Variants in FGFR4 observed in about 807,000 individuals in gnomAD.
FGFR4 encodes hydroxyaryl-protein kinase.
FGFR4 carries 63 observed loss-of-function variants against 89.9 expected under a neutral mutation model. The observed-to-expected ratio is 0.70, with a 90% confidence interval of 0.57 to 0.86. The LOEUF (loss-of-function observed/expected upper bound fraction) is 0.86, where lower values mean the gene tolerates loss of function less well. Ranked by LOEUF, FGFR4 falls within the 40% of genes least tolerant of loss-of-function variation. FGFR4 has a pLI of 0.00. For missense variants in FGFR4, 928 were observed against 1,106.7 expected (o/e 0.84, Z 2.29); for synonymous variants, 486 against 479.4 (o/e 1.01, Z -0.18).
chr5:177,095,660 C>A lies in FGFR4; in HGVS notation c.1758C>A (p.Phe586Leu). Residue 586 changes from phenylalanine to leucine, a missense_variant, in exon 13 of 18, where the codon TTC (phenylalanine) becomes TTA (leucine). Physicochemically the swap from Phe to Leu is conservative, Grantham distance 22. Transcript: ENST00000292408. This position sits in a 1 kb window ranked among gnomAD's most constrained non-coding sequence, Gnocchi z 5.7. ...GPRSSEGPLS[F>L]PVLVSCAYQV... ...GGAGCAGTGAGGGGCCGCTCTCCTT[C>A]CCAGTCCTGGTCTCCTGCGCCTACC... The A allele has an allele frequency of 6.2e-7, 1 of 1,608,864 alleles. No individual in the cohort carries two copies. Among genetic ancestry groups the A allele is most frequent in the Non-Finnish European group, 8.5e-7 (1 of 1,178,768 alleles).
At position 177,095,148 on chromosome 5, in the gene FGFR4, C is replaced by T. The variant is rs1784504083; in HGVS notation, c.1520-182C>T. ...AGGGTGTGACCCACTGCTCTGTTTC[C>T]CACAAGACGAACCTGAGGTTCAGAG... On this transcript the variant is annotated intron_variant, in intron 11 of 17. Coordinates refer to ENST00000292408, the MANE Select transcript of FGFR4 (RefSeq NM_213647.3). The surrounding 1 kb of genome is among the most constrained non-coding windows in gnomAD (Gnocchi z 5.7). 4.9e-6 allele frequency: 3 copies of T among 611,924 alleles called. No homozygotes were observed. Among genetic ancestry groups the T allele is most frequent in the Non-Finnish European group, 8.9e-6 (3 of 336,210 alleles). 37.9% of individuals were successfully genotyped at this position (611,924 alleles called of 1,614,324 possible).
intron 14 of FGFR4, 45 bp from the exon 15 acceptor site, chr5:177,096,242 C>A: frequency 1.2e-6 from 2 of 1,613,480 alleles, no homozygotes; most frequent in African/African-American, 2.7e-5. Context: ...GTGGCAGGCA[C>A]GAGGACCTGT....
chr5:177,097,493 C>A (rs747459828), intron 17 of FGFR4, 34 bp from the exon 18 acceptor site: 2 of 1,604,264 alleles, frequency 1.2e-6, no homozygotes, highest in Non-Finnish European at 8.5e-7. Flanking sequence ...CCATCCCGGG[C>A]GCTGCAGAGG....
Position 177,090,637 on chromosome 5 carries a change from C to A in FGFR4, c.339C>A (p.Leu113=), listed in dbSNP as rs371080019. 6.6e-7 allele frequency: 1 copy of A among 1,522,504 alleles called. No individual in the cohort carries two copies. The allele number at this position is 1,522,504 out of a possible 1,614,324, so 94.3% of individuals were successfully genotyped here. The change falls in exon 3 of 18, where the codon CTC becomes CTA. Residue 113 remains leucine, a synonymous_variant. Coordinates refer to ENST00000292408, the MANE Select transcript of FGFR4 (RefSeq NM_213647.3). ...GCTCCATGATCGTCCTGCAGAATCT[C>A]ACCTTGATTACAGGTGGTAAGAGAC... is the stretch of plus-strand genomic sequence containing the variant. ...ARGSMIVLQN[L]TLITGDSLTS...
chr5:177,095,031 T>G lies in FGFR4; in HGVS notation c.1520-299T>G. Reference sequence around the variant, plus strand: ...TTCCTTCCTTCCTGCTCCGAGCTCTTCCCCTCTCTCCTGTGTCCTGGGCCT... The same window carrying G: ...TTCCTTCCTTCCTGCTCCGAGCTCTGCCCCTCTCTCCTGTGTCCTGGGCCT... On this transcript the variant is annotated intron_variant, in intron 11 of 17. Transcript: ENST00000292408. The surrounding 1 kb of genome is among the most constrained non-coding windows in gnomAD (Gnocchi z 5.7). 1 of 372,314 alleles carries G rather than the reference T, an allele frequency of 2.7e-6. No homozygotes were observed. Among genetic ancestry groups the G allele is most frequent in the Non-Finnish European group, 5.1e-6 (1 of 195,382 alleles). The allele number at this position is 372,314 out of a possible 1,614,324, so 23.1% of individuals were successfully genotyped here. A position where few individuals can be genotyped will look rare whatever the true frequency, so the allele number is the denominator to read the frequency against.
rs746470231 is a variant in FGFR4, at chr5:177,095,533, G to A, written c.1631G>A (p.Gly544Glu). The part of the protein sequence containing the change: ...INLLGVCTQE[G>E]PLYVIVECAA... Reference sequence around the variant, plus strand: ...CACGCTCCCTCCACTCCCTCTGCAGGGCCCCTGTACGTGATCGTGGAGTGC... The same window carrying A: ...CACGCTCCCTCCACTCCCTCTGCAGAGCCCCTGTACGTGATCGTGGAGTGC... The change falls in exon 13 of 18, where the codon GGG becomes GAG. Residue 544 changes from glycine (G) to glutamate (E), a missense_variant and splice_region_variant. Coordinates refer to ENST00000292408, the MANE Select transcript of FGFR4 (RefSeq NM_213647.3). The surrounding 1 kb of genome is among the most constrained non-coding windows in gnomAD (Gnocchi z 5.7). The A allele has an allele frequency of 2.5e-6, 4 of 1,611,622 alleles. No homozygotes were observed. The highest frequency in any genetic ancestry group is 1.7e-4 in the Middle Eastern group (1 of 5,850).
chr5:177,091,385 C>A (rs1406707235), intron 5 of FGFR4, among the ~76,000 whole-genome samples: 1 of 152,188 alleles, frequency 6.6e-6, no homozygotes, highest in Non-Finnish European at 1.5e-5. Context: ...CTTGATGAGA[C>A]CCTGCAGGGT....
Position 177,093,440 on chromosome 5 carries a change from G to T in FGFR4, c.1286G>T (p.Ser429Ile). ...SLESGSSGKS[S>I]SSLVRGVRLS... ...GAGTCAGGCTCTTCCGGCAAGTCAA[G>T]CTCATCCCTGGTACGAGGCGTGCGT... The change falls in exon 10 of 18, where the codon AGC becomes ATC. Residue 429 changes from serine to isoleucine, a missense_variant. Physicochemically the swap from Ser to Ile is moderately radical, Grantham distance 142 (BLOSUM62 -2). Around this residue, in one of 5 missense-constraint regions of FGFR4, gnomAD observed 741 missense variants for 836.9 expected, o/e 0.89. Transcript: ENST00000292408. The surrounding 1 kb of genome is among the most constrained non-coding windows in gnomAD (Gnocchi z 5.8). 1 of 1,614,116 alleles carries T rather than the reference G, an allele frequency of 6.2e-7. No homozygotes were observed. Among genetic ancestry groups the T allele is most frequent in the Non-Finnish European group, 8.5e-7 (1 of 1,180,010 alleles).
intron 14 of FGFR4, 40 bp from the exon 15 acceptor site, chr5:177,096,247 A>G: frequency 6.2e-7 from 1 of 1,613,606 alleles, no homozygotes; most frequent in Non-Finnish European, 8.5e-7. Flanking sequence ...AGGCACGAGG[A>G]CCTGTGGGAC....
rs1234003025 is a variant in FGFR4, at chr5:177,093,185, G to C, written c.1105G>C (p.Asp369His). 1.2e-6 allele frequency: 2 copies of C among 1,613,758 alleles called. No individual in the cohort carries two copies. Among genetic ancestry groups the C allele is most frequent in the African/African-American group, 2.7e-5 (2 of 74,932 alleles). Residue 369 changes from aspartate (D) to histidine (H), a missense_variant, in exon 9 of 18, where the codon GAC becomes CAC. Coordinates refer to ENST00000292408, the MANE Select transcript of FGFR4 (RefSeq NM_213647.3). The surrounding 1 kb of genome is among the most constrained non-coding windows in gnomAD (Gnocchi z 5.8). ...TAAAPEARYTDIILYASGSLA... is the reference protein window; with the variant it reads ...TAAAPEARYTHIILYASGSLA... The stretch of plus-strand genomic sequence containing the variant: ...AGCAGCGCCCGAGGCCAGGTATACG[G>C]ACATCATCCTGTACGCGTCGGGCTC...
At chr5:177,092,967 T>C (rs1340429199) in intron 8 of FGFR4, 171 bp from the exon 9 acceptor site, 4 of 1,267,336 alleles carry the variant, frequency 3.2e-6, no homozygotes, top group South Asian at 1.3e-5. Flanking sequence ...TGGCCGTCCA[T>C]GTGACCGTCT....
chr5:177,090,109 TGTGTCC>T (rs1348914314), intron 2 of FGFR4: 2 of 665,470 alleles, frequency 3.0e-6, no homozygotes, highest in Non-Finnish European at 5.4e-6. Flanking sequence ...TGTGTGTGTG[TGTGTCC>T]GTATGTGTGT....
In FGFR4 at chr5:177,089,809, G is replaced by A. The variant is rs760208743; in HGVS notation, c.91+116G>A. On this transcript the variant is annotated intron_variant, in intron 2 of 17. Coordinates refer to ENST00000292408, the MANE Select transcript of FGFR4 (RefSeq NM_213647.3). ...CTTGCCCAGGCCCTGAGAAGGTGGC[G>A]GCAGGGCAGGGCTCAACCACTGAGA... 141 of 1,296,616 alleles carry A rather than the reference G, an allele frequency of 1.1e-4. 1 individual carries two copies. The highest frequency in any genetic ancestry group is 1.8e-4 in the East Asian group (7 of 39,898). The allele number at this position is 1,296,616 out of a possible 1,614,324, so 80.3% of individuals were successfully genotyped here. A position where few individuals can be genotyped will look rare whatever the true frequency, so the allele number is the denominator to read the frequency against.
In FGFR4 at chr5:177,090,926, C is replaced by T; in HGVS notation, c.437-12C>T. 1 of 1,614,170 alleles carries T rather than the reference C, an allele frequency of 6.2e-7. No homozygotes were observed. The highest frequency in any genetic ancestry group is 1.1e-5 in the South Asian group (1 of 91,084). ...CACACGGTCATTCTAGGGGCCTTCC[C>T]CTGCCCTCCAGCACCCTACTGGACA... On this transcript the variant is annotated splice_polypyrimidine_tract_variant and intron_variant, in intron 4 of 17. Coordinates refer to ENST00000292408, the MANE Select transcript of FGFR4 (RefSeq NM_213647.3).
chr5:177,096,905 TTCCTCC>T (rs879157960), intron 16 of FGFR4, among the ~76,000 whole-genome samples, 164 bp downstream of exon 16: 1 of 15,486 alleles, frequency 6.5e-5, no homozygotes. Flanking sequence ...CCTCCTCCTC[TTCCTCC>T]TCCTCTTCCT....
At position 177,096,661 on chromosome 5, in the gene FGFR4, T is replaced by C. The variant is rs1353152700; in HGVS notation, c.2073T>C (p.Pro691=). 2 of 1,612,250 alleles carry C rather than the reference T, an allele frequency of 1.2e-6. No individual in the cohort carries two copies. Among genetic ancestry groups the C allele is most frequent in the Non-Finnish European group, 8.5e-7 (1 of 1,179,144 alleles). The change falls in exon 16 of 18, where the codon CCT becomes CCC. Residue 691 remains proline, a synonymous_variant. Coordinates refer to ENST00000292408, the MANE Select transcript of FGFR4 (RefSeq NM_213647.3). The part of the protein sequence containing the change: ...EIFTLGGSPY[P]GIPVEELFSL... ...TCACCCTCGGGGGCTCCCCGTATCC[T>C]GGCATCCCGGTGGAGGAGCTGTTCT...
chr5:177,096,173 C>T lies in FGFR4; in HGVS notation c.1938C>T (p.Thr646=). ...GVHHIDYYKK[T]SNGRLPVKWM... ...ACCACATTGACTACTATAAGAAAAC[C>T]AGCAACGTGAGGGAGATGGGGCAGA... The change falls in exon 14 of 18, where the codon ACC becomes ACT. Residue 646 remains threonine (T), a synonymous_variant. Coordinates refer to ENST00000292408, the MANE Select transcript of FGFR4 (RefSeq NM_213647.3). 1.9e-6 allele frequency: 3 copies of T among 1,613,988 alleles called. No homozygotes were observed. Among genetic ancestry groups the T allele is most frequent in the Non-Finnish European group, 2.5e-6 (3 of 1,179,908 alleles).
Position 177,093,299 on chromosome 5 carries a change from C to CAGA in FGFR4, c.1222_1224dup (p.Lys408dup). On this transcript the variant is annotated inframe_insertion, in exon 9 of 18. Transcript: ENST00000292408. This position sits in a 1 kb window ranked among gnomAD's most constrained non-coding sequence, Gnocchi z 5.8. Reference sequence around the variant, plus strand: ...GCACCCCCGCCCGCCCGCCACTGTGCAGAAGCTCTCCCGCTTCCCTCTGGC... The same window carrying CAGA: ...GCACCCCCGCCCGCCCGCCACTGTGCAGAAGAAGCTCTCCCGCTTCCCTCTGGC... 2 of 965,572 alleles carry CAGA rather than the reference C, an allele frequency of 2.1e-6. No homozygotes were observed. The highest frequency in any genetic ancestry group is 1.6e-6 in the Non-Finnish European group (1 of 626,568). 59.8% of individuals were successfully genotyped at this position (965,572 alleles called of 1,614,324 possible). A position where few individuals can be genotyped will look rare whatever the true frequency, so the allele number is the denominator to read the frequency against.
chr5:177,092,616 T>C, intron 7 of FGFR4, 30 bp from the exon 8 acceptor site: 1 of 1,587,348 alleles, frequency 6.3e-7, no homozygotes. Flanking sequence ...CAGGCCCTGC[T>C]GTGACCCCAG....
Sources: allele counts gnomAD v4.1 joint callset (sites outside exome capture counted in the v4.1 genomes callset), GRCh38; gene constraint gnomAD v4.1.1; regional missense constraint gnomAD v4.1.1; non-coding constraint Gnocchi (gnomAD v3.1); transcripts MANE v1.5; gene names NCBI Gene and HGNC (gene_info 2026-07-23, HGNC 2026-07-21).